POLR1B: variants seen among roughly 807,000 people sequenced by gnomAD.
POLR1B encodes DNA-directed RNA polymerase I subunit RPA2.
In POLR1B, 30 loss-of-function variants were observed where a neutral mutation model predicts 105.8. The ratio of observed to expected loss-of-function variants is 0.28; its 90% CI spans 0.21 to 0.38. POLR1B has a LOEUF of 0.38. Ranked by LOEUF, POLR1B falls within the 10% of genes least tolerant of loss-of-function variation. The pLI, the probability that POLR1B is intolerant of heterozygous loss-of-function variation, is 1.00. For synonymous variants in POLR1B, 485 were observed against 505.1 expected (o/e 0.96, Z 0.53); for missense variants, 976 against 1,435.8 (o/e 0.68, Z 5.17).
intron 12 of POLR1B, among the ~76,000 whole-genome samples, chr2:112,570,777 T>C (rs1684546973): frequency 1.5e-5 from 1 of 65,232 alleles, no homozygotes; most frequent in Non-Finnish European, 2.6e-5. Context: ...GTTTCTTTTT[T>C]TTTTCTTTTT....
chr2:112,554,162 T>C (rs557697823), intron 7 of POLR1B, among the ~76,000 whole-genome samples: 1 of 151,918 alleles, frequency 6.6e-6, no homozygotes, highest in South Asian at 2.1e-4. Context: ...AGACAGAGTC[T>C]TGCTCTGTCT....
chr2:112,564,450 T>C lies in POLR1B; in HGVS notation c.1697T>C (p.Val566Ala). 1 of 1,614,244 alleles carries C rather than the reference T, an allele frequency of 6.2e-7. No homozygotes were observed. Among genetic ancestry groups the C allele is most frequent in the Non-Finnish European group, 8.5e-7 (1 of 1,180,046 alleles). ...CTGGACGGTGTCATGGTTGGCTGGG[T>C]GGATAAGGATCTTGCTCCAGGCATC... Reference protein sequence around the residue: ...VLLDGVMVGWVDKDLAPGIAD... With the variant: ...VLLDGVMVGWADKDLAPGIAD... The change falls in exon 10 of 15, where the codon GTG becomes GCG. Residue 566 changes from valine to alanine, a missense_variant. Around this residue, in one of 12 missense-constraint regions of POLR1B, gnomAD observed 184 missense variants for 197.4 expected, o/e 0.93. Transcript: ENST00000263331.
intron 1 of POLR1B, among the ~76,000 whole-genome samples, chr2:112,545,460 C>T (rs1219459232): frequency 6.6e-6 from 1 of 152,060 alleles, no homozygotes; most frequent in Non-Finnish European, 1.5e-5. Context: ...ACCAGAGGCT[C>T]GCAGGAAGCT....
At chr2:112,566,015 C>A (rs13409416) in intron 10 of POLR1B, among the ~76,000 whole-genome samples, 1 of 152,038 alleles carries the variant, frequency 6.6e-6, no homozygotes, top group Non-Finnish European at 1.5e-5. Flanking sequence ...TGTACCACCA[C>A]GCCCGGCTAA....
At chr2:112,559,608 G>A (rs1425443585) in intron 9 of POLR1B, 34 bp downstream of exon 9, 1 of 1,586,802 alleles carries the variant, frequency 6.3e-7, no homozygotes, top group Non-Finnish European at 8.6e-7. Flanking sequence ...ATCTTGTTTG[G>A]TTATGTGGGT....
intron 7 of POLR1B, among the ~76,000 whole-genome samples, chr2:112,557,209 C>T (rs1683708403): frequency 6.6e-6 from 1 of 152,146 alleles, no homozygotes; most frequent in African/African-American, 2.4e-5. Flanking sequence ...TCCCTTGAAC[C>T]CAGGAGGTTG....
At chr2:112,544,554 A>G (rs989992694) in intron 1 of POLR1B, among the ~76,000 whole-genome samples, 6 of 152,244 alleles carry the variant, frequency 3.9e-5, no homozygotes, top group Non-Finnish European at 8.8e-5. Context: ...GTCTGGCTTA[A>G]TGAAAAGACA....
At chr2:112,545,097 G>A (rs578030390) in intron 1 of POLR1B, among the ~76,000 whole-genome samples, 1 of 152,236 alleles carries the variant, frequency 6.6e-6, no homozygotes, top group South Asian at 2.1e-4. Flanking sequence ...TGTGCTTTTT[G>A]TTGGTGATTT....
chr2:112,561,026 C>A (rs1683951233), intron 9 of POLR1B, among the ~76,000 whole-genome samples: 1 of 151,298 alleles, frequency 6.6e-6, no homozygotes, highest in African/African-American at 2.4e-5. Context: ...GATTGCACCA[C>A]TGCACTCCAG....
chr2:112,566,698 C>G (rs535294698), intron 10 of POLR1B, among the ~76,000 whole-genome samples: 6 of 151,544 alleles, frequency 4.0e-5, no homozygotes, highest in Non-Finnish European at 8.8e-5. Context: ...CTCATCATCA[C>G]AAATTGAAAC....
chr2:112,542,125 C>CTCCTCCGA (rs1682778870), upstream of POLR1B: 1 of 1,535,636 alleles, frequency 6.5e-7, no homozygotes, highest in African/African-American at 1.4e-5. Flanking sequence ...GAAGACCGCT[C>CTCCTCCGA]TCCTCCGATC....
Position 112,542,692 on chromosome 2 carries a change from C to T in POLR1B, c.177+21C>T, listed in dbSNP as rs369595132. 6.8e-5 allele frequency: 110 copies of T among 1,609,370 alleles called. 1 individual carries two copies. In the South Asian group the frequency reaches 1.1e-3, roughly 17 times the overall value. On this transcript the variant is annotated intron_variant, in intron 1 of 14. Transcript: ENST00000263331. ...TGCAGGTGAGCGCGGCGTCCGCCGG[C>T]GCCCTTGCCGCGGCGAGGCCAATCC...
chr2:112,568,244 A>G, intron 11 of POLR1B, 107 bp downstream of exon 11: 2 of 1,132,300 alleles, frequency 1.8e-6, no homozygotes, highest in Non-Finnish European at 2.5e-6. Context: ...TGTTACAACA[A>G]CAGTTGGACA....
intron 11 of POLR1B, 103 bp from the exon 12 acceptor site, chr2:112,568,643 A>T: frequency 7.6e-7 from 1 of 1,308,992 alleles, no homozygotes; most frequent in Non-Finnish European, 1.1e-6. Flanking sequence ...CTGGGTGGGG[A>T]TGGTTTTCTC....
chr2:112,574,143 C>G (rs10864905), intron 14 of POLR1B, among the ~76,000 whole-genome samples: 58,637 of 152,020 alleles, frequency 0.39, 12,515 homozygotes, highest in Non-Finnish European at 0.48. Flanking sequence ...CCATCCCTGG[C>G]CTATTTGTGC....
intron 10 of POLR1B, among the ~76,000 whole-genome samples, chr2:112,566,045 A>G (rs1267536930): frequency 6.6e-6 from 1 of 151,988 alleles, no homozygotes; most frequent in Non-Finnish European, 1.5e-5. Context: ...TTTTTAGTAG[A>G]GGTGGGGTTT....
rs747138256 is a variant in POLR1B, at chr2:112,542,648, G to C, written c.154G>C (p.Glu52Gln). Reference protein sequence around the residue: ...HVESFNYAVHEGLGLAVQAIP... With the variant: ...HVESFNYAVHQGLGLAVQAIP... The stretch of plus-strand genomic sequence containing the variant: ...GGAGTCCTTCAACTACGCTGTGCAC[G>C]AGGGTCTCGGCCTCGCGGTGCAGGT... The change falls in exon 1 of 15, where the codon GAG becomes CAG. Residue 52 changes from glutamate to glutamine, a missense_variant. By Grantham distance (29) the Glu-to-Gln change is conservative. Transcript: ENST00000263331. The C allele has an allele frequency of 1.9e-6, 3 of 1,613,596 alleles. No individual in the cohort carries two copies. The highest frequency in any genetic ancestry group is 1.1e-5 in the South Asian group (1 of 91,088).
intron 1 of POLR1B, among the ~76,000 whole-genome samples, chr2:112,543,823 A>G (rs1574084891): frequency 6.6e-6 from 1 of 152,056 alleles, no homozygotes; most frequent in Non-Finnish European, 1.5e-5. Flanking sequence ...AGTGGCTCAC[A>G]CCTGTAATCC....
At chr2:112,549,512 T>C in intron 4 of POLR1B, 113 bp downstream of exon 4, 1 of 847,488 alleles carries the variant, frequency 1.2e-6, no homozygotes, top group Non-Finnish European at 1.7e-6. Context: ...TTTTTTTTTT[T>C]TTTTGGTAGG....
Sources: allele counts gnomAD v4.1 joint callset (sites outside exome capture counted in the v4.1 genomes callset), GRCh38; gene constraint gnomAD v4.1.1; regional missense constraint gnomAD v4.1.1; transcripts MANE v1.5; gene names NCBI Gene and HGNC (gene_info 2026-07-23, HGNC 2026-07-21).